The following EFCC1 variants were observed in gnomAD, a reference collection of about 807,000 sequenced individuals.
The protein encoded by EFCC1 is EF-hand and coiled-coil domain-containing protein 1.
EFCC1 carries 50 observed loss-of-function variants against 52.1 expected under a neutral mutation model. The ratio of observed to expected loss-of-function variants is 0.96; its 90% CI spans 0.76 to 1.21. The LOEUF is 1.21. Ranked by LOEUF, EFCC1 falls within the 50% of genes most tolerant of loss-of-function variation. The probability of loss-of-function intolerance (pLI) is 0.00; values close to 1 mark genes in which losing one functional copy is unlikely to be tolerated. For synonymous variants in EFCC1, 399 were observed against 396.5 expected (o/e 1.01, Z -0.08); for missense variants, 837 against 867.3 (o/e 0.97, Z 0.44).
At chr3:129,037,236 T>C in intron 6 of EFCC1, 119 bp downstream of exon 6, 1 of 1,335,406 alleles carries the variant, frequency 7.5e-7, no homozygotes, top group South Asian at 1.7e-5. Context: ...TGTTATCCCA[T>C]TTTACAGATG....
rs141997302 is a variant in EFCC1 at position 129,014,926 on chromosome 3, C to G, written c.980+10849C>G. On this transcript the variant is annotated intron_variant, in intron 2 of 7. Coordinates refer to ENST00000683648, the MANE Select transcript of EFCC1 (RefSeq NM_001377500.1). This position sits in a 1 kb window ranked among gnomAD's most constrained non-coding sequence, Gnocchi z 4.3. ...CACACGGAGTCCTGCTAAGTCTCAGCTCCAAGTGGCTCAGACCCACCTGCT... is the reference window on the plus strand; with the variant it reads ...CACACGGAGTCCTGCTAAGTCTCAGGTCCAAGTGGCTCAGACCCACCTGCT... Among the ~76,000 whole-genome samples the G allele has an allele frequency of 3.7e-4, 56 of 152,206 alleles. No homozygotes were observed. Among genetic ancestry groups the G allele is most frequent in the African/African-American group, 1.3e-3 (56 of 41,528 alleles).
intron 2 of EFCC1, among the ~76,000 whole-genome samples, chr3:129,027,063 G>A (rs1469852996): frequency 6.6e-6 from 1 of 152,168 alleles, no homozygotes; most frequent in Non-Finnish European, 1.5e-5. Flanking sequence ...TCTCCGGACG[G>A]CCCCCTCAGA....
chr3:129,017,339 C>G (rs1168493678), intron 2 of EFCC1, among the ~76,000 whole-genome samples: 1 of 152,238 alleles, frequency 6.6e-6, no homozygotes, highest in African/African-American at 2.4e-5. Flanking sequence ...CTATCACAAC[C>G]ATAGCCGATC....
At position 129,039,019 on chromosome 3, in the gene EFCC1, C is replaced by A. The variant is rs1422147560; in HGVS notation, c.1663+119C>A. The A allele has an allele frequency of 1.1e-5, 10 of 917,046 alleles. No individual in the cohort carries two copies. The East Asian group carries it at 2.5e-4, about 23-fold the overall frequency. 56.8% of individuals were successfully genotyped at this position (917,046 alleles called of 1,614,324 possible). A position where few individuals can be genotyped will look rare whatever the true frequency, so the allele number is the denominator to read the frequency against. ...CTGCAAAACAATCATGTTATTCCTGCCCTGCATGCTTTAGAAAGCTGAAGG... is the reference window on the plus strand; with the variant it reads ...CTGCAAAACAATCATGTTATTCCTGACCTGCATGCTTTAGAAAGCTGAAGG... On this transcript the variant is annotated intron_variant, in intron 7 of 7. Transcript: ENST00000683648.
At chr3:129,016,732 G>A (rs1316267395) in intron 2 of EFCC1, among the ~76,000 whole-genome samples, 3 of 152,104 alleles carry the variant, frequency 2.0e-5, no homozygotes, top group African/African-American at 7.2e-5. Context: ...AGGGCCTGAG[G>A]CAGGAGGGGG....
chr3:129,027,142 G>T (rs896164615), intron 2 of EFCC1, among the ~76,000 whole-genome samples: 12 of 150,638 alleles, frequency 8.0e-5, no homozygotes, highest in Non-Finnish European at 1.6e-4. Context: ...CGCCGGAAAC[G>T]CCTGCAGACG....
rs892157494 is a variant in EFCC1 at position 129,010,928 on chromosome 3, A to T, written c.980+6851A>T. On this transcript the variant is annotated intron_variant, in intron 2 of 7. Transcript: ENST00000683648. The surrounding 1 kb of genome is among the most constrained non-coding windows in gnomAD (Gnocchi z 4.3). ...GGCCTAGGCTCAGAAGGCCCAGCCC[A>T]ACCTGGCTTTGATTCCTGGCTCTTC... Among the ~76,000 whole-genome samples the T allele has an allele frequency of 6.6e-6, 1 of 152,232 alleles. No individual in the cohort carries two copies. Among genetic ancestry groups the T allele is most frequent in the Non-Finnish European group, 1.5e-5 (1 of 68,042 alleles).
Position 129,001,953 on chromosome 3 carries a change from AC to A in EFCC1, c.330del (p.Asp112MetfsTer118). The A allele has an allele frequency of 6.5e-7, 1 of 1,542,734 alleles. No individual in the cohort carries two copies. The highest frequency in any genetic ancestry group is 1.4e-5 in the African/African-American group (1 of 72,042). The stretch of plus-strand genomic sequence containing the variant: ...AGGTGACGGGAACTCCAGAGATGTG[AC>A]CCCCGGGGATGCGGCCGCTGAGTTG... Reference protein sequence around the residue: ...AAGDGNSRDVTPGDAAAELAT... With the variant: ...AAGDGNSRDVXPGDAAAELAT... On this transcript the variant is annotated frameshift_variant, in exon 1 of 8. Coordinates refer to ENST00000683648, the MANE Select transcript of EFCC1 (RefSeq NM_001377500.1). LOFTEE classifies it high-confidence loss of function.
chr3:129,029,305 A>T (rs1531807), intron 2 of EFCC1, among the ~76,000 whole-genome samples: 1 of 151,988 alleles, frequency 6.6e-6, no homozygotes, highest in African/African-American at 2.4e-5. Context: ...ACTGCAGGGA[A>T]ATGGAAAATG....
At chr3:129,025,859 C>T (rs1438726331) in intron 2 of EFCC1, among the ~76,000 whole-genome samples, 2 of 152,242 alleles carry the variant, frequency 1.3e-5, no homozygotes, top group Non-Finnish European at 2.9e-5. Context: ...TGGCTCTGTT[C>T]TCTTCCCAGC....
intron 2 of EFCC1, 41 bp downstream of exon 2, chr3:129,004,118 C>A: frequency 2.1e-6 from 3 of 1,442,160 alleles, no homozygotes; most frequent in Non-Finnish European, 2.7e-6. Flanking sequence ...TTCCCCAATT[C>A]GGCTCCCATT....
intron 2 of EFCC1, among the ~76,000 whole-genome samples, chr3:129,023,526 G>T (rs1482595593): frequency 6.6e-6 from 1 of 152,074 alleles, no homozygotes. Flanking sequence ...TAGAGACGAG[G>T]TTTCACCATG....
In EFCC1 at chr3:129,010,841, C is replaced by A. The variant is rs923350157; in HGVS notation, c.980+6764C>A. Among the ~76,000 whole-genome samples the A allele has an allele frequency of 6.6e-6, 1 of 152,178 alleles. No homozygotes were observed. Among genetic ancestry groups the A allele is most frequent in the Non-Finnish European group, 1.5e-5 (1 of 68,034 alleles). On this transcript the variant is annotated intron_variant, in intron 2 of 7. Coordinates refer to ENST00000683648, the MANE Select transcript of EFCC1 (RefSeq NM_001377500.1). This position sits in a 1 kb window ranked among gnomAD's most constrained non-coding sequence, Gnocchi z 4.3. ...TACTCAGGCTCACAAAGAGGCAGAC[C>A]CACTCAGGCACCCACTGCATGCCCC...
intron 2 of EFCC1, among the ~76,000 whole-genome samples, chr3:129,030,146 C>T (rs1264039552): frequency 2.0e-5 from 3 of 152,070 alleles, no homozygotes; most frequent in African/African-American, 7.2e-5. Flanking sequence ...GATCATGCCA[C>T]AGCACTCCAG....
chr3:129,027,517 G>T (rs1314974039), intron 2 of EFCC1, among the ~76,000 whole-genome samples: 1 of 152,174 alleles, frequency 6.6e-6, no homozygotes, highest in Admixed American at 6.5e-5. Flanking sequence ...TGCCCCTCCT[G>T]GGTGCTGCAG....
intron 1 of EFCC1, chr3:129,003,425 CT>C: frequency 2.6e-6 from 1 of 378,200 alleles, no homozygotes; most frequent in Non-Finnish European, 3.6e-6. Flanking sequence ...TGGGGGGAGT[CT>C]AGGAGATGAG....
intron 7 of EFCC1, 36 bp from the exon 8 acceptor site, chr3:129,039,676 C>A: frequency 6.4e-7 from 1 of 1,557,514 alleles, no homozygotes; most frequent in Non-Finnish European, 8.7e-7. Flanking sequence ...GGTGAGCAGA[C>A]TGATCCTGCC....
At chr3:129,027,239 C>T (rs956606497) in intron 2 of EFCC1, among the ~76,000 whole-genome samples, 4 of 152,180 alleles carry the variant, frequency 2.6e-5, no homozygotes, top group Non-Finnish European at 5.9e-5. Flanking sequence ...CTGATGAGCA[C>T]GGGGAGGCCC....
rs1945070844 is a variant in EFCC1, at chr3:129,006,284, G to A, written c.980+2207G>A. 2.6e-5 allele frequency among the ~76,000 whole-genome samples: 4 copies of A among 152,280 alleles called. 1 individual carries two copies. The South Asian group carries it at 8.3e-4, about 32-fold the overall frequency. On this transcript the variant is annotated intron_variant, in intron 2 of 7. Transcript: ENST00000683648. ...GAAACCTGCGAGGCTAGTCCTGTTA[G>A]TCAGTCCCAAACAAAACTGGAGTTC...
Sources: gnomAD v4.1 joint callset for allele counts (sites outside exome capture counted in the v4.1 genomes callset) on GRCh38, gnomAD v4.1.1 for gene constraint, Gnocchi (gnomAD v3.1) non-coding constraint, MANE v1.5 for transcripts, NCBI Gene and HGNC (gene_info 2026-07-23, HGNC 2026-07-21) for gene names.